ADAMTS17: variants seen among roughly 807,000 people sequenced by gnomAD.
ADAMTS17 encodes the protein ADAM metallopeptidase with thrombospondin type 1 motif 17, also known as A disintegrin and metalloproteinase with thrombospondin motifs 17.
ADAMTS17 carries 113 observed loss-of-function variants against 141.5 expected under a neutral mutation model. That is an observed-to-expected ratio of 0.80 (90% CI 0.69 to 0.93). The LOEUF (loss-of-function observed/expected upper bound fraction) is 0.93, where lower values mean the gene tolerates loss of function less well. Ranked by LOEUF, ADAMTS17 falls within the 40% of genes least tolerant of loss-of-function variation. ADAMTS17 has a pLI of 0.00. For synonymous variants in ADAMTS17, 768 were observed against 630.6 expected (o/e 1.22, Z -3.27); for missense variants, 1,659 against 1,517.9 (o/e 1.09, Z -1.54).
chr15:100,270,290 G>T (rs2043860212), intron 4 of ADAMTS17, among the ~76,000 whole-genome samples: 1 of 152,168 alleles, frequency 6.6e-6, no homozygotes, highest in African/African-American at 2.4e-5. Flanking sequence ...AACCATGCTT[G>T]TTTTATCTTC....
chr15:100,192,642 T>C (rs1364633966), intron 8 of ADAMTS17, among the ~76,000 whole-genome samples: 1 of 152,184 alleles, frequency 6.6e-6, no homozygotes, highest in African/African-American at 2.4e-5. Context: ...TGCTGGTGGG[T>C]TGCCTGCTTG....
chr15:100,283,474 C>A (rs1289377873), intron 3 of ADAMTS17, among the ~76,000 whole-genome samples: 1 of 152,208 alleles, frequency 6.6e-6, no homozygotes, highest in Non-Finnish European at 1.5e-5. Flanking sequence ...GCCACCCAAG[C>A]AGGAGCTCTG....
chr15:100,117,267 T>G (rs1024290940), intron 12 of ADAMTS17, among the ~76,000 whole-genome samples: 3 of 150,878 alleles, frequency 2.0e-5, no homozygotes, highest in Non-Finnish European at 4.4e-5. Flanking sequence ...GCAGTGAGTA[T>G]GAGTTTGGCA....
At chr15:100,309,491 C>A (rs1003738438) in intron 3 of ADAMTS17, among the ~76,000 whole-genome samples, 1 of 152,212 alleles carries the variant, frequency 6.6e-6, no homozygotes, top group East Asian at 1.9e-4. Context: ...CGAGACAGGA[C>A]TCAAGCTCTG....
At chr15:100,049,539 G>A (rs1436537453) in intron 17 of ADAMTS17, among the ~76,000 whole-genome samples, 1 of 152,196 alleles carries the variant, frequency 6.6e-6, no homozygotes, top group Non-Finnish European at 1.5e-5. Context: ...ACTTATGGCT[G>A]AGCCCCCACC....
At chr15:100,064,185 A>G (rs2033348992) in intron 15 of ADAMTS17, among the ~76,000 whole-genome samples, 2 of 152,212 alleles carry the variant, frequency 1.3e-5, no homozygotes, top group African/African-American at 4.8e-5. Flanking sequence ...GGCAGAGATG[A>G]AGTGATGCTT....
chr15:100,088,396 G>C (rs954221896), intron 15 of ADAMTS17, among the ~76,000 whole-genome samples: 3 of 152,164 alleles, frequency 2.0e-5, no homozygotes, highest in Admixed American at 6.5e-5. Flanking sequence ...TCAATATTGT[G>C]AAAATGGCCA....
At chr15:100,269,523 G>A (rs2043832503) in intron 4 of ADAMTS17, among the ~76,000 whole-genome samples, 1 of 152,174 alleles carries the variant, frequency 6.6e-6, no homozygotes, top group Admixed American at 6.5e-5. Context: ...CCCAGGAGGT[G>A]AGCTCTAGAG....
Position 100,152,654 on chromosome 15 carries a change from C to T in ADAMTS17, c.1431G>A (p.Gln477=), listed in dbSNP as rs765427198. ...AGGTGGCATTCATGCCAAACAGGAT[C>T]TGGCACTGCTCGTTGGCACTGTAGT... ...GMHYSANEQC[Q]ILFGMNATFC... is the part of the protein sequence containing the mutation. Residue 477 remains glutamine, a synonymous_variant, in exon 10 of 22, where the codon CAG becomes CAA. Transcript: ENST00000268070. 1 of 1,614,164 alleles carries T rather than the reference C, an allele frequency of 6.2e-7. No individual in the cohort carries two copies. The highest frequency in any genetic ancestry group is 8.5e-7 in the Non-Finnish European group (1 of 1,180,042).
At chr15:100,298,676 AAG>A (rs1191856353) in intron 3 of ADAMTS17, among the ~76,000 whole-genome samples, 1 of 152,134 alleles carries the variant, frequency 6.6e-6, no homozygotes, top group Non-Finnish European at 1.5e-5. Context: ...TGCACAAAGA[AAG>A]AGAGAAAATG....
chr15:100,241,728 C>A (rs1003320501), intron 7 of ADAMTS17, among the ~76,000 whole-genome samples: 1 of 152,172 alleles, frequency 6.6e-6, no homozygotes, highest in African/African-American at 2.4e-5. Context: ...CTCAGCTCAC[C>A]TAACCATGAC....
intron 10 of ADAMTS17, among the ~76,000 whole-genome samples, chr15:100,143,981 C>A (rs1008668001): frequency 6.6e-6 from 1 of 152,232 alleles, no homozygotes; most frequent in Non-Finnish European, 1.5e-5. Flanking sequence ...CACCCAGCAC[C>A]TGGTCATTCT....
intron 7 of ADAMTS17, among the ~76,000 whole-genome samples, chr15:100,227,065 C>T (rs2042333164): frequency 6.6e-6 from 1 of 152,184 alleles, no homozygotes; most frequent in African/African-American, 2.4e-5. Flanking sequence ...TGGCTCTCCT[C>T]CCTCCCACCA....
intron 8 of ADAMTS17, among the ~76,000 whole-genome samples, chr15:100,191,941 C>T (rs1266180842): frequency 6.6e-6 from 1 of 152,156 alleles, no homozygotes; most frequent in East Asian, 1.9e-4. Context: ...CAAGTCTCAC[C>T]AGCAAAACAC....
intron 10 of ADAMTS17, 84 bp from the exon 11 acceptor site, chr15:100,133,399 A>G (rs886704998): frequency 7.2e-7 from 1 of 1,382,548 alleles, no homozygotes; most frequent in Non-Finnish European, 1.0e-6. Flanking sequence ...TGGCCCAACC[A>G]CTGTTTCAAA....
At chr15:100,109,899 G>C (rs1399959697) in intron 13 of ADAMTS17, among the ~76,000 whole-genome samples, 2 of 152,128 alleles carry the variant, frequency 1.3e-5, no homozygotes, top group African/African-American at 4.8e-5. Flanking sequence ...GGTGGGGCAG[G>C]AGCAGCATCT....
At chr15:100,291,778 G>C (rs2142126730) in intron 3 of ADAMTS17, among the ~76,000 whole-genome samples, 1 of 152,272 alleles carries the variant, frequency 6.6e-6, no homozygotes, top group East Asian at 1.9e-4. Flanking sequence ...TTATAAGTGG[G>C]AGTTAAACAC....
intron 14 of ADAMTS17, 88 bp downstream of exon 14, chr15:100,108,901 G>C (rs935958937): frequency 1.2e-6 from 2 of 1,605,562 alleles, no homozygotes; most frequent in East Asian, 4.5e-5. Flanking sequence ...TAGGCCTCCT[G>C]AGACCTCTGC....
chr15:100,197,806 C>T (rs766143416), intron 8 of ADAMTS17, among the ~76,000 whole-genome samples: 8 of 152,158 alleles, frequency 5.3e-5, no homozygotes, highest in Non-Finnish European at 1.0e-4. Flanking sequence ...ATTAAAATGG[C>T]GCTAGATAAA....
Sources: gnomAD v4.1 joint callset for allele counts (sites outside exome capture counted in the v4.1 genomes callset) on GRCh38, gnomAD v4.1.1 for gene constraint, MANE v1.5 for transcripts, NCBI Gene and HGNC (gene_info 2026-07-23, HGNC 2026-07-21) for gene names.